Variants in NUDCD1 observed in about 807,000 individuals in gnomAD.
NUDCD1 encodes the protein nudC domain-containing protein 1.
NUDCD1 carries 60 observed loss-of-function variants against 67.8 expected under a neutral mutation model. That is an observed-to-expected ratio of 0.88 (90% CI 0.72 to 1.10). The LOEUF (loss-of-function observed/expected upper bound fraction) is 1.10, where lower values mean the gene tolerates loss of function less well. NUDCD1 is among the 50% of genes least tolerant of loss of function. The pLI is 0.00. For synonymous variants in NUDCD1, 244 were observed against 230.8 expected (o/e 1.06, Z -0.52); for missense variants, 643 against 695.0 (o/e 0.93, Z 0.84).
chr8:109,252,363 T>G (rs1813640979), intron 8 of NUDCD1, among the ~76,000 whole-genome samples: 1 of 152,088 alleles, frequency 6.6e-6, no homozygotes, highest in African/African-American at 2.4e-5. Context: ...TTTCTTTATC[T>G]TTTCCTCTAG....
intron 8 of NUDCD1, among the ~76,000 whole-genome samples, chr8:109,251,452 T>A (rs1813622515): frequency 1.3e-5 from 2 of 152,216 alleles, no homozygotes; most frequent in Non-Finnish European, 2.9e-5. Context: ...ATTACAGGCA[T>A]GAGCCACCGT....
chr8:109,275,481 C>T lies in NUDCD1; in HGVS notation c.1044G>A (p.Leu348=), dbSNP rs753090099. ...AGGTCAGTCCTTCATTCTTCTTAAT[C>T]AAGGAAATCTCCAAGCTAGAAGTTT... ...IKESNSLEIS[L]IKKNEGLTWP... The change falls in exon 7 of 10, where the codon TTG becomes TTA. Residue 348 remains leucine, a synonymous_variant. Transcript: ENST00000239690. The T allele has an allele frequency of 1.2e-6, 2 of 1,610,384 alleles. No homozygotes were observed. Among genetic ancestry groups the T allele is most frequent in the Non-Finnish European group, 1.7e-6 (2 of 1,178,416 alleles).
At chr8:109,281,210 T>A in intron 5 of NUDCD1, 38 bp from the exon 6 acceptor site, 1 of 1,384,534 alleles carries the variant, frequency 7.2e-7, no homozygotes. Flanking sequence ...TAATAAAAAA[T>A]TAGAGAAAGC....
At chr8:109,252,430 A>G (rs1813642634) in intron 8 of NUDCD1, among the ~76,000 whole-genome samples, 2 of 152,040 alleles carry the variant, frequency 1.3e-5, no homozygotes, top group Non-Finnish European at 2.9e-5. Flanking sequence ...CTCTTCCCTC[A>G]GCAGCTTAGG....
intron 3 of NUDCD1, among the ~76,000 whole-genome samples, chr8:109,294,477 T>A (rs1387202138): frequency 7.5e-6 from 1 of 132,570 alleles, no homozygotes; most frequent in Non-Finnish European, 1.5e-5. Context: ...TGAAGGCAGG[T>A]TTTTATTGGT....
intron 1 of NUDCD1, among the ~76,000 whole-genome samples, chr8:109,333,691 T>C (rs1318742765): frequency 3.3e-5 from 5 of 152,256 alleles, no homozygotes; most frequent in Admixed American, 2.6e-4. Flanking sequence ...AGGGTCCCGT[T>C]ACCGAAGAGC....
intron 9 of NUDCD1, 80 bp downstream of exon 9, chr8:109,245,242 G>GA (rs1444046727): frequency 2.9e-5 from 40 of 1,385,538 alleles, no homozygotes; most frequent in South Asian, 4.1e-5. Context: ...AAATTAAAAA[G>GA]AAAAAAAAGA....
intron 8 of NUDCD1, among the ~76,000 whole-genome samples, chr8:109,265,614 A>T (rs535608206): frequency 1.3e-5 from 2 of 152,190 alleles, no homozygotes; most frequent in African/African-American, 4.8e-5. Context: ...AGGTGTTTCA[A>T]TTTTATATCT....
chr8:109,250,535 G>A (rs1252743698), intron 8 of NUDCD1, among the ~76,000 whole-genome samples: 1 of 152,174 alleles, frequency 6.6e-6, no homozygotes, highest in Non-Finnish European at 1.5e-5. Context: ...CTTAACAGGA[G>A]TAATGCGAGC....
In NUDCD1 at chr8:109,289,741, T is replaced by A. The variant is rs965576351; in HGVS notation, c.823+10A>T. On this transcript the variant is annotated intron_variant, in intron 5 of 9. Coordinates refer to ENST00000239690, the MANE Select transcript of NUDCD1 (RefSeq NM_032869.4). ...AAATACCAATAAGCTCTATTAAGAA[T>A]AAAAATTACCTTTGATTTTCTCTGA... The A allele has an allele frequency of 1.5e-6, 2 of 1,356,194 alleles. No individual in the cohort carries two copies. The highest frequency in any genetic ancestry group is 2.9e-5 in the African/African-American group (2 of 67,930). 84.0% of individuals were successfully genotyped at this position (1,356,194 alleles called of 1,614,324 possible).
At chr8:109,277,464 C>CA (rs113778207) in intron 6 of NUDCD1, among the ~76,000 whole-genome samples, 10,870 of 144,004 alleles carry the variant, frequency 0.075, 1,249 homozygotes, top group African/African-American at 0.25. Flanking sequence ...ACCATCCAAG[C>CA]AAAAAAAAAA....
At chr8:109,328,617 C>G (rs150356186) in intron 1 of NUDCD1, among the ~76,000 whole-genome samples, 12 of 152,254 alleles carry the variant, frequency 7.9e-5, no homozygotes, top group African/African-American at 2.9e-4. Flanking sequence ...GGAGAAAACC[C>G]TTAATTTGTG....
chr8:109,279,607 T>C (rs1184932444), intron 6 of NUDCD1, among the ~76,000 whole-genome samples: 1 of 152,094 alleles, frequency 6.6e-6, no homozygotes, highest in Non-Finnish European at 1.5e-5. Context: ...ATGCAGAAAA[T>C]GTCTGTTTTG....
chr8:109,255,438 G>T (rs922432771), intron 8 of NUDCD1, among the ~76,000 whole-genome samples: 1 of 152,016 alleles, frequency 6.6e-6, no homozygotes, highest in East Asian at 1.9e-4. Context: ...TAGCTAAGTG[G>T]TATAAAATAC....
chr8:109,275,274 T>C (rs1814255421), intron 7 of NUDCD1, 78 bp downstream of exon 7: 1 of 1,391,398 alleles, frequency 7.2e-7, no homozygotes, highest in Non-Finnish European at 9.9e-7. Context: ...CAAAATATTG[T>C]TTGAAAAGCA....
chr8:109,305,250 C>T (rs1483107255), intron 2 of NUDCD1, among the ~76,000 whole-genome samples: 2 of 152,180 alleles, frequency 1.3e-5, no homozygotes, highest in Non-Finnish European at 2.9e-5. Flanking sequence ...TAGACACTTT[C>T]ACTGGATGGG....
At chr8:109,319,032 A>G (rs980215588) in intron 2 of NUDCD1, among the ~76,000 whole-genome samples, 3 of 146,510 alleles carry the variant, frequency 2.0e-5, no homozygotes, top group Non-Finnish European at 4.4e-5. Context: ...ATCTTGGCTC[A>G]CTGCAAGCTC....
At chr8:109,333,474 G>A (rs1250219811) in intron 1 of NUDCD1, among the ~76,000 whole-genome samples, 1 of 152,244 alleles carries the variant, frequency 6.6e-6, no homozygotes, top group Non-Finnish European at 1.5e-5. Flanking sequence ...TCGGTCAGAG[G>A]AAACAGGAAC....
intron 8 of NUDCD1, among the ~76,000 whole-genome samples, chr8:109,259,595 C>T (rs1471210255): frequency 1.3e-5 from 2 of 152,176 alleles, no homozygotes; most frequent in Non-Finnish European, 2.9e-5. Flanking sequence ...CCCTCCACTT[C>T]ACTGCCTATT....
Sources: gnomAD v4.1 joint callset for allele counts (sites outside exome capture counted in the v4.1 genomes callset) on GRCh38, gnomAD v4.1.1 for gene constraint, MANE v1.5 for transcripts, NCBI Gene and HGNC (gene_info 2026-07-23, HGNC 2026-07-21) for gene names.